The following NBAS variants were observed in gnomAD, a reference collection of about 807,000 sequenced individuals.
The protein encoded by NBAS is NBAS subunit of NRZ tethering complex, also known as NAG/BC035112 fusion.
A neutral mutation model predicts 302.5 loss-of-function variants in NBAS; 219 were observed. That is an observed-to-expected ratio of 0.72 (90% CI 0.65 to 0.81). The LOEUF is 0.81. Among genes scored for constraint, NBAS ranks in the 30% least tolerant of loss-of-function variants. The probability of loss-of-function intolerance (pLI) is 0.00; values close to 1 mark genes in which losing one functional copy is unlikely to be tolerated. For missense variants in NBAS, 2,932 were observed against 2,841.6 expected, an observed-to-expected ratio of 1.03 and a Z score of -0.72; for synonymous variants, 1,118 against 1,021.6, an observed-to-expected ratio of 1.09 and a Z score of -1.80.
the NBAS span, among the ~76,000 whole-genome samples, chr2:15,151,710 C>T: frequency 6.6e-6 from 1 of 152,158 alleles, no homozygotes; most frequent in Non-Finnish European, 1.5e-5. Context: ...TCTTCTGGCT[C>T]ATTTTCGATA....
chr2:14,854,644 A>C, the NBAS span, among the ~76,000 whole-genome samples: 2 of 152,264 alleles, frequency 1.3e-5, no homozygotes, highest in East Asian at 3.9e-4. Context: ...GGGAAAACAC[A>C]GAAATTGTGA....
intron 23 of NBAS, among the ~76,000 whole-genome samples, chr2:15,422,560 C>A (rs1350656393): frequency 1.3e-5 from 2 of 150,240 alleles, no homozygotes; most frequent in African/African-American, 2.5e-5. Flanking sequence ...AAAAAAAAAA[C>A]CCACAGCTTA....
At chr2:14,991,114 G>A in the NBAS span, among the ~76,000 whole-genome samples, 1 of 152,062 alleles carries the variant, frequency 6.6e-6, no homozygotes, top group South Asian at 2.1e-4. Flanking sequence ...TGCAGGGAGG[G>A]CCAACCCTGG....
chr2:15,529,556 A>G (rs1663118423), intron 9 of NBAS, among the ~76,000 whole-genome samples: 2 of 152,188 alleles, frequency 1.3e-5, no homozygotes. Context: ...CTTTAAAGGA[A>G]GAAACCTCAC....
At chr2:15,399,255 C>T (rs1676027649) in intron 26 of NBAS, among the ~76,000 whole-genome samples, 1 of 151,910 alleles carries the variant, frequency 6.6e-6, no homozygotes, top group African/African-American at 2.4e-5. Flanking sequence ...AGATATGAAG[C>T]TGACAGAGGA....
chr2:15,083,327 G>A, the NBAS span, among the ~76,000 whole-genome samples: 1 of 152,246 alleles, frequency 6.6e-6, no homozygotes, highest in Non-Finnish European at 1.5e-5. Flanking sequence ...TCCACAGTGT[G>A]TAGCCATGTG....
At chr2:14,857,241 A>C in the NBAS span, among the ~76,000 whole-genome samples, 1 of 152,216 alleles carries the variant, frequency 6.6e-6, no homozygotes, top group Non-Finnish European at 1.5e-5. Context: ...TAAAATGTCC[A>C]TACTATCCAA....
At chr2:14,851,467 C>A in the NBAS span, among the ~76,000 whole-genome samples, 1 of 148,854 alleles carries the variant, frequency 6.7e-6, no homozygotes, top group Non-Finnish European at 1.5e-5. Context: ...GAGTCCAGGA[C>A]CAGATGGATT....
the NBAS span, among the ~76,000 whole-genome samples, chr2:14,857,461 T>C: frequency 6.6e-6 from 1 of 152,154 alleles, no homozygotes; most frequent in Non-Finnish European, 1.5e-5. Flanking sequence ...GGCATGGTAG[T>C]GGCATAAAAG....
chr2:14,977,358 G>A, the NBAS span, among the ~76,000 whole-genome samples: 1 of 151,996 alleles, frequency 6.6e-6, no homozygotes, highest in African/African-American at 2.4e-5. Flanking sequence ...AGAATGAAAT[G>A]GAAATTCTAT....
At chr2:15,165,529 T>C (rs1442416929), downstream of NBAS, among the ~76,000 whole-genome samples, 1 of 152,230 alleles carries the variant, frequency 6.6e-6, no homozygotes, top group Admixed American at 6.5e-5. Context: ...CAGAGGACTC[T>C]GCAGCTCTGC....
chr2:14,880,921 A>G, the NBAS span, among the ~76,000 whole-genome samples: 1 of 144,550 alleles, frequency 6.9e-6, no homozygotes, highest in Non-Finnish European at 1.5e-5. Flanking sequence ...AATTTTATGG[A>G]CCTCCAGGAT....
At chr2:14,931,103 A>AC in the NBAS span, among the ~76,000 whole-genome samples, 7 of 152,234 alleles carry the variant, frequency 4.6e-5, no homozygotes, top group South Asian at 2.1e-4. Flanking sequence ...CCTAACAAGA[A>AC]TGTTAAGGAA....
chr2:14,968,389 T>C, the NBAS span, among the ~76,000 whole-genome samples: 1 of 152,148 alleles, frequency 6.6e-6, no homozygotes, highest in East Asian at 1.9e-4. Context: ...CATATGCCCC[T>C]GAGGTTTGGA....
chr2:15,343,588 A>T (rs1672955642), intron 35 of NBAS, among the ~76,000 whole-genome samples: 1 of 152,134 alleles, frequency 6.6e-6, no homozygotes, highest in Non-Finnish European at 1.5e-5. Flanking sequence ...AAAGAAAACA[A>T]AACAAACATT....
chr2:15,473,681 A>G (rs763428058), intron 15 of NBAS, among the ~76,000 whole-genome samples: 5 of 152,192 alleles, frequency 3.3e-5, no homozygotes, highest in East Asian at 1.9e-4. Flanking sequence ...ACGTGAACAC[A>G]CAGTGCTGGT....
At chr2:15,507,691 T>A (rs145478596) in intron 10 of NBAS, among the ~76,000 whole-genome samples, 3 of 152,332 alleles carry the variant, frequency 2.0e-5, no homozygotes, top group African/African-American at 7.2e-5. Context: ...TGGTACCTGT[T>A]ATAGCTCATT....
intron 48 of NBAS, among the ~76,000 whole-genome samples, chr2:15,201,594 T>C (rs1258072996): frequency 6.6e-6 from 1 of 152,236 alleles, no homozygotes; most frequent in Non-Finnish European, 1.5e-5. Context: ...TTAATTATAG[T>C]CTGAATTATT....
chr2:15,402,495 T>C (rs1435892407), intron 25 of NBAS, among the ~76,000 whole-genome samples, 194 bp from the exon 26 acceptor site: 1 of 152,144 alleles, frequency 6.6e-6, no homozygotes, highest in East Asian at 1.9e-4. Flanking sequence ...ACAGATCAAC[T>C]ATAAAAGATA....
Sources: allele counts gnomAD v4.1 joint callset (sites outside exome capture counted in the v4.1 genomes callset), GRCh38; gene constraint gnomAD v4.1.1; transcripts MANE v1.5; gene names NCBI Gene and HGNC (gene_info 2026-07-23, HGNC 2026-07-21).